RIMS2: variants seen among roughly 807,000 people sequenced by gnomAD.
RIMS2 encodes the protein regulating synaptic membrane exocytosis protein 2.
A neutral mutation model predicts 174.4 loss-of-function variants in RIMS2; 59 were observed. That is an observed-to-expected ratio of 0.34 (90% CI 0.27 to 0.42). The LOEUF (loss-of-function observed/expected upper bound fraction) is 0.42, where lower values mean the gene tolerates loss of function less well. Ranked by LOEUF, RIMS2 falls within the 10% of genes least tolerant of loss-of-function variation. The pLI, the probability that RIMS2 is intolerant of heterozygous loss-of-function variation, is 1.00. For synonymous variants in RIMS2, 606 were observed against 572.5 expected, an observed-to-expected ratio of 1.06 and a Z score of -0.84; for missense variants, 1,620 against 1,666.3, an observed-to-expected ratio of 0.97 and a Z score of 0.48.
chr8:103,925,182 CAT>C (rs953194280), intron 10 of RIMS2, among the ~76,000 whole-genome samples: 38 of 151,744 alleles, frequency 2.5e-4, no homozygotes, highest in African/African-American at 8.7e-4. Flanking sequence ...TCTGTGGAAA[CAT>C]ATTACACAGT....
Position 103,567,046 on chromosome 8 carries a change from C to A in RIMS2, c.176+65984C>A, listed in dbSNP as rs558278038. On this transcript the variant is annotated intron_variant, in intron 1 of 23. Transcript: ENST00000504942. ...AACCACTAATCTTTCTATGGATTTG[C>A]CTGTTCTGGAGATTTCATATAAACA... is the stretch of plus-strand genomic sequence containing the variant. 2.6e-5 allele frequency among the ~76,000 whole-genome samples: 4 copies of A among 152,298 alleles called. 1 individual carries two copies. Among genetic ancestry groups the A allele is most frequent in the African/African-American group, 9.6e-5 (4 of 41,568 alleles).
Position 104,226,063 on chromosome 8 carries a change from A to C in RIMS2, c.3335-18853A>C, listed in dbSNP as rs558408540. Among the ~76,000 whole-genome samples the C allele has an allele frequency of 2.0e-5, 3 of 152,244 alleles. No individual in the cohort carries two copies. The South Asian group carries it at 6.2e-4, about 32-fold the overall frequency. On this transcript the variant is annotated intron_variant, in intron 19 of 23. Transcript: ENST00000504942. ...TTCTTTTGAGACACCCACACAGGAT[A>C]CATGAAGGTCATGTGGTTAACATAT...
intron 14 of RIMS2, among the ~76,000 whole-genome samples, chr8:103,947,680 G>A (rs1037880425): frequency 1.3e-5 from 2 of 152,106 alleles, no homozygotes; most frequent in Non-Finnish European, 2.9e-5. Context: ...AGTTGTTCAG[G>A]GTGAGTCAAT....
chr8:103,809,225 G>A lies in RIMS2; in HGVS notation c.698+42688G>A, dbSNP rs1050358019. 4.7e-5 allele frequency among the ~76,000 whole-genome samples: 7 copies of A among 150,382 alleles called. No homozygotes were observed. The East Asian group carries it at 1.4e-3, about 29-fold the overall frequency. On this transcript the variant is annotated intron_variant, in intron 3 of 23. Coordinates refer to ENST00000504942, the Ensembl canonical transcript of RIMS2. ...TACTCCTTTGTCCCACTTTTGGCTT[G>A]GCCAATGCTTATCATTCCATGTTTC... is the stretch of plus-strand genomic sequence containing the variant.
chr8:103,666,109 C>T (rs2096665738), intron 1 of RIMS2, among the ~76,000 whole-genome samples: 1 of 152,048 alleles, frequency 6.6e-6, no homozygotes, highest in African/African-American at 2.4e-5. Flanking sequence ...TTTGGCACTG[C>T]CACATGGTCA....
rs192350528 is a variant in RIMS2, at chr8:104,158,061, C to G, written c.3335-86855C>G. 1.2e-3 allele frequency among the ~76,000 whole-genome samples: 177 copies of G among 152,150 alleles called. 4 individuals are homozygous for G. Among genetic ancestry groups the G allele is most frequent in the African/African-American group, 3.9e-3 (161 of 41,526 alleles). On this transcript the variant is annotated intron_variant, in intron 19 of 23. Transcript: ENST00000504942. ...ATTTCTCCTAACGCTATCCCTCCCCCAATAGGCCCCAGTGTATGATGTTCC... is the reference window on the plus strand; with the variant it reads ...ATTTCTCCTAACGCTATCCCTCCCCGAATAGGCCCCAGTGTATGATGTTCC...
At chr8:103,953,093 T>C (rs900280528) in intron 14 of RIMS2, among the ~76,000 whole-genome samples, 1 of 152,148 alleles carries the variant, frequency 6.6e-6, no homozygotes, top group African/African-American at 2.4e-5. Context: ...CCAAGAAGTA[T>C]GGGATGATGT....
At chr8:104,080,635 C>G (rs963407770) in intron 19 of RIMS2, among the ~76,000 whole-genome samples, 1 of 151,986 alleles carries the variant, frequency 6.6e-6, no homozygotes. Flanking sequence ...TCCAGGGTAA[C>G]ATGGAACCAT....
At chr8:104,240,026 C>T (rs2099278440) in intron 19 of RIMS2, among the ~76,000 whole-genome samples, 2 of 152,178 alleles carry the variant, frequency 1.3e-5, no homozygotes, top group African/African-American at 4.8e-5. Flanking sequence ...AGGCTGCTCT[C>T]ACATCCTTTC....
intron 11 of RIMS2, among the ~76,000 whole-genome samples, chr8:103,928,172 C>T (rs1336708906): frequency 6.6e-6 from 1 of 151,456 alleles, no homozygotes; most frequent in African/African-American, 2.4e-5. Context: ...AATGTAGATT[C>T]TACATATATA....
At chr8:104,073,831 T>C (rs957799909) in intron 19 of RIMS2, among the ~76,000 whole-genome samples, 4 of 152,180 alleles carry the variant, frequency 2.6e-5, no homozygotes, top group Admixed American at 1.3e-4. Flanking sequence ...CAAAGATGTA[T>C]TGGGGAAAGC....
chr8:103,514,859 C>T (rs191813079), intron 1 of RIMS2, among the ~76,000 whole-genome samples: 2 of 151,724 alleles, frequency 1.3e-5, no homozygotes, highest in Admixed American at 1.3e-4. Flanking sequence ...GATGGCGCCA[C>T]TGCACTTCAG....
At chr8:103,945,864 T>C (rs887684568) in intron 14 of RIMS2, among the ~76,000 whole-genome samples, 3 of 152,120 alleles carry the variant, frequency 2.0e-5, no homozygotes, top group Non-Finnish European at 2.9e-5. Flanking sequence ...ATGAACACCC[T>C]TTAGATGACA....
chr8:104,201,085 G>A (rs1052415710), intron 19 of RIMS2, among the ~76,000 whole-genome samples: 8 of 152,122 alleles, frequency 5.3e-5, no homozygotes, highest in Admixed American at 1.3e-4. Context: ...CCCAGATAGT[G>A]AGCACAGTAC....
At chr8:104,026,203 T>C (rs10111689) in intron 19 of RIMS2, among the ~76,000 whole-genome samples, 38,522 of 152,114 alleles carry the variant, frequency 0.25, 5,286 homozygotes, top group African/African-American at 0.35. Context: ...TATTTCATAA[T>C]GTGCTAATAC....
At chr8:103,819,393 C>A in intron 3 of RIMS2, 3 of 1,570,236 alleles carry the variant, frequency 1.9e-6, no homozygotes, top group Non-Finnish European at 2.6e-6. Flanking sequence ...TTACAGAGCT[C>A]AGGAGAAATA....
intron 2 of RIMS2, among the ~76,000 whole-genome samples, chr8:103,722,512 G>T (rs1426869835): frequency 6.6e-6 from 1 of 152,086 alleles, no homozygotes; most frequent in Non-Finnish European, 1.5e-5. Context: ...TCCCTCCCAT[G>T]TGCAGTTCAC....
intron 1 of RIMS2, among the ~76,000 whole-genome samples, chr8:103,610,419 G>A (rs904205004): frequency 1.3e-5 from 2 of 152,130 alleles, no homozygotes; most frequent in South Asian, 4.2e-4. Flanking sequence ...GATTTTCAAG[G>A]GGAATGCCTC....
chr8:104,074,963 C>T (rs1342378942), intron 19 of RIMS2, among the ~76,000 whole-genome samples: 1 of 152,000 alleles, frequency 6.6e-6, no homozygotes, highest in Non-Finnish European at 1.5e-5. Context: ...CAAGAAGAAA[C>T]ATGACAATAC....
Sources: gnomAD v4.1 joint callset for allele counts (sites outside exome capture counted in the v4.1 genomes callset) on GRCh38, gnomAD v4.1.1 for gene constraint, MANE v1.5 for transcripts, NCBI Gene and HGNC (gene_info 2026-07-23, HGNC 2026-07-21) for gene names.